The following STAT1 variants were observed in gnomAD, a reference collection of about 807,000 sequenced individuals.
The protein encoded by STAT1 is signal transducer and activator of transcription 1, also known as signal transducer and activator of transcription 1-alpha/beta.
A neutral mutation model predicts 111.7 loss-of-function variants in STAT1; 24 were observed. The observed-to-expected ratio is 0.21, with a 90% CI of 0.16 to 0.30. STAT1 has a LOEUF of 0.30. Ranked by LOEUF, STAT1 falls within the 10% of genes least tolerant of loss-of-function variation. The pLI is 1.00. For synonymous variants in STAT1, 332 were observed against 326.5 expected (o/e 1.02, Z -0.18); for missense variants, 351 against 911.9 (o/e 0.38, Z 7.92).
At chr2:190,991,349 G>A in intron 10 of STAT1, 29 bp from the exon 11 acceptor site, 1 of 1,608,480 alleles carries the variant, frequency 6.2e-7, no homozygotes, top group Non-Finnish European at 8.5e-7. Flanking sequence ...GGATAGATAA[G>A]TTAGCATTTC....
rs1023633807 is a variant in STAT1, at chr2:190,973,180, C to T, written c.2238+1650G>A. Among the ~76,000 whole-genome samples, 5 of 152,146 alleles carry T rather than the reference C, an allele frequency of 3.3e-5. No individual in the cohort carries two copies. Among genetic ancestry groups the T allele is most frequent in the Admixed American group, 1.3e-4 (2 of 15,274 alleles). On this transcript the variant is annotated intron_variant, in intron 24 of 24. Coordinates refer to ENST00000361099, the MANE Select transcript of STAT1 (RefSeq NM_007315.4). The surrounding 1 kb of genome is among the most constrained non-coding windows in gnomAD (Gnocchi z 4.4). The stretch of plus-strand genomic sequence containing the variant: ...ATAACAGAATAAACCCAATCCTGTA[C>T]AAACAGCTTCTTCAGGGTGCATGTT...
chr2:190,997,453 C>A lies in STAT1; in HGVS notation c.785+403G>T, dbSNP rs116536693. The stretch of plus-strand genomic sequence containing the variant: ...CCTACAGTGCCCGGCACACAGTAGG[C>A]ATTTAATAAGTATTACTGGATGGAT... On this transcript the variant is annotated intron_variant, in intron 9 of 24. Coordinates refer to ENST00000361099, the MANE Select transcript of STAT1 (RefSeq NM_007315.4). The surrounding 1 kb of genome is among the most constrained non-coding windows in gnomAD (Gnocchi z 7.3). Among the ~76,000 whole-genome samples the A allele has an allele frequency of 2.8e-4, 43 of 152,330 alleles. No homozygotes were observed. The highest frequency in any genetic ancestry group is 1.0e-3 in the African/African-American group (42 of 41,576).
At chr2:191,008,183 T>G (rs1353689608) in intron 4 of STAT1, among the ~76,000 whole-genome samples, 1 of 152,196 alleles carries the variant, frequency 6.6e-6, no homozygotes, top group African/African-American at 2.4e-5. Flanking sequence ...AACAAATTTC[T>G]GTAAAGTTAA....
rs760830783 is a variant in STAT1 at position 190,979,807 on chromosome 2, G to A, written c.1692C>T (p.Leu564=). 18 of 1,613,726 alleles carry A rather than the reference G, an allele frequency of 1.1e-5. 1 individual carries two copies. In the South Asian group the frequency reaches 1.8e-4, roughly 16 times the overall value. ...AGAGAGGGAGCAGGTGTTTTTTAAT[G>A]AGTTCTAGGATGCTTTCAATCCAAA... ...FWLWIESILE[L]IKKHLLPLWN... is the part of the protein sequence containing the mutation. The change falls in exon 20 of 25, where the codon CTC becomes CTT. Residue 564 remains leucine, a synonymous_variant. Transcript: ENST00000361099. The surrounding 1 kb of genome is among the most constrained non-coding windows in gnomAD (Gnocchi z 5.8).
rs1694814249 is a variant in STAT1 at position 191,007,734 on chromosome 2, T to C, written c.274-73A>G. On this transcript the variant is annotated intron_variant, in intron 4 of 24. Coordinates refer to ENST00000361099, the MANE Select transcript of STAT1 (RefSeq NM_007315.4). This position sits in a 1 kb window ranked among gnomAD's most constrained non-coding sequence, Gnocchi z 4.2. The stretch of plus-strand genomic sequence containing the variant: ...TACTTTATTGTGTATTGTAAGTTGA[T>C]ATGAATTTGTTTATATTCTCCGGGA... The C allele has an allele frequency of 1.8e-6, 2 of 1,135,088 alleles. No individual in the cohort carries two copies. Among genetic ancestry groups the C allele is most frequent in the Non-Finnish European group, 2.7e-6 (2 of 752,592 alleles). The allele number at this position is 1,135,088 out of a possible 1,614,324, so 70.3% of individuals were successfully genotyped here. A position where few individuals can be genotyped will look rare whatever the true frequency, so the allele number is the denominator to read the frequency against.
At position 191,003,387 on chromosome 2, in the gene STAT1, A is replaced by C. The variant is rs980360557; in HGVS notation, c.373-2224T>G. ...AAATCTTTGCTGTTGTCTAATTCTGACATGGTTTGGATCTGTGTCCCCACC... is the reference window on the plus strand; with the variant it reads ...AAATCTTTGCTGTTGTCTAATTCTGCCATGGTTTGGATCTGTGTCCCCACC... On this transcript the variant is annotated intron_variant, in intron 5 of 24. Coordinates refer to ENST00000361099, the MANE Select transcript of STAT1 (RefSeq NM_007315.4). This position sits in a 1 kb window ranked among gnomAD's most constrained non-coding sequence, Gnocchi z 4.0. Among the ~76,000 whole-genome samples the C allele has an allele frequency of 4.6e-5, 7 of 152,218 alleles. No homozygotes were observed. The highest frequency in any genetic ancestry group is 1.7e-4 in the African/African-American group (7 of 41,452).
In STAT1 at chr2:190,987,174, T is replaced by TA. The variant is rs1692916853; in HGVS notation, c.1098-107dup. Reference sequence around the variant, plus strand: ...CATAAGAGTGTAAGTGAATGATGAATAAAAAATAAATCTACACCTATGGAT... The same window carrying TA: ...CATAAGAGTGTAAGTGAATGATGAATAAAAAAATAAATCTACACCTATGGAT... On this transcript the variant is annotated intron_variant, in intron 12 of 24. Coordinates refer to ENST00000361099, the MANE Select transcript of STAT1 (RefSeq NM_007315.4). The surrounding 1 kb of genome is among the most constrained non-coding windows in gnomAD (Gnocchi z 4.0). The TA allele has an allele frequency of 3.5e-6, 3 of 859,618 alleles. No homozygotes were observed. The highest frequency in any genetic ancestry group is 2.6e-5 in the East Asian group (1 of 38,176). 53.2% of individuals were successfully genotyped at this position (859,618 alleles called of 1,614,324 possible).
At position 191,013,606 on chromosome 2, in the gene STAT1, C is replaced by G. The variant is rs1695306854; in HGVS notation, c.-83G>C. On this transcript the variant is annotated 5_prime_UTR_variant, in exon 2 of 25. Transcript: ENST00000361099. The stretch of plus-strand genomic sequence containing the variant: ...ACAGCACGTTAGGTGCCAAGACTGT[C>G]GAGGTTATATACACAGAGTGCGAAC... 2 of 398,424 alleles carry G rather than the reference C, an allele frequency of 5.0e-6. No individual in the cohort carries two copies. The highest frequency in any genetic ancestry group is 8.8e-5 in the Admixed American group (2 of 22,714). The allele number at this position is 398,424 out of a possible 1,614,324, so 24.7% of individuals were successfully genotyped here. A position where few individuals can be genotyped will look rare whatever the true frequency, so the allele number is the denominator to read the frequency against.
chr2:191,006,511 C>T lies in STAT1; in HGVS notation c.372+1052G>A, dbSNP rs949259168. On this transcript the variant is annotated intron_variant, in intron 5 of 24. Transcript: ENST00000361099. The surrounding 1 kb of genome is among the most constrained non-coding windows in gnomAD (Gnocchi z 4.6). ...TCAGGCAGTGTGTGGAGAATGGCAT[C>T]CTCCACCACACCTAAACTCCCTCCC... Among the ~76,000 whole-genome samples, 7 of 152,182 alleles carry T rather than the reference C, an allele frequency of 4.6e-5. No individual in the cohort carries two copies. Among genetic ancestry groups the T allele is most frequent in the South Asian group, 2.1e-4 (1 of 4,834 alleles).
rs755468379 is a variant in STAT1 at position 190,989,990 on chromosome 2, A to G, written c.1038-316T>C. ...TATAACCTTGCCAATATTCAGTTTC[A>G]TCACAATTTCGACCTTTGGCCAATT... On this transcript the variant is annotated intron_variant, in intron 11 of 24. Coordinates refer to ENST00000361099, the MANE Select transcript of STAT1 (RefSeq NM_007315.4). This position sits in a 1 kb window ranked among gnomAD's most constrained non-coding sequence, Gnocchi z 5.0. Among the ~76,000 whole-genome samples, 1 of 152,240 alleles carries G rather than the reference A, an allele frequency of 6.6e-6. No homozygotes were observed. The highest frequency in any genetic ancestry group is 1.5e-5 in the Non-Finnish European group (1 of 68,038).
Position 190,986,777 on chromosome 2 carries a change from G to C in STAT1, c.1221+77C>G. ...AGGGGGGCGTCCTCCACATGGCAAT[G>C]TGCCAAAAAGGGCTGCTCTATTGTC... On this transcript the variant is annotated intron_variant, in intron 14 of 24. Coordinates refer to ENST00000361099, the MANE Select transcript of STAT1 (RefSeq NM_007315.4). The surrounding 1 kb of genome is among the most constrained non-coding windows in gnomAD (Gnocchi z 5.0). 7.1e-7 allele frequency: 1 copy of C among 1,402,532 alleles called. No homozygotes were observed. 86.9% of individuals were successfully genotyped at this position (1,402,532 alleles called of 1,614,324 possible). A position where few individuals can be genotyped will look rare whatever the true frequency, so the allele number is the denominator to read the frequency against.
intron 10 of STAT1, among the ~76,000 whole-genome samples, chr2:190,992,164 G>A (rs993005540): frequency 6.6e-6 from 1 of 152,152 alleles, no homozygotes; most frequent in African/African-American, 2.4e-5. Context: ...ATCAGACAGT[G>A]TAATCTTTCC....
chr2:191,009,641 T>C (rs949129100), intron 3 of STAT1, among the ~76,000 whole-genome samples: 1 of 152,216 alleles, frequency 6.6e-6, no homozygotes, highest in Non-Finnish European at 1.5e-5. Flanking sequence ...TATCATAAAT[T>C]AAATTTGGCA....
chr2:190,999,671 A>G lies in STAT1; in HGVS notation c.496T>C (p.Leu166=), dbSNP rs1370298651. The change falls in exon 7 of 25, where the codon TTA becomes CTA. Residue 166 remains leucine, a synonymous_variant. Transcript: ENST00000361099. This position sits in a 1 kb window ranked among gnomAD's most constrained non-coding sequence, Gnocchi z 4.1. ...IEHEIKSLED[L]QDEYDFKCKT... ...CATTTGAAGTCATATTCATCTTGTA[A>G]ATCTTCCAGGCTCTTGATTTCATGC... is the stretch of plus-strand genomic sequence containing the variant. 1 of 1,613,838 alleles carries G rather than the reference A, an allele frequency of 6.2e-7. No individual in the cohort carries two copies. The highest frequency in any genetic ancestry group is 2.2e-5 in the East Asian group (1 of 44,866).
At chr2:191,013,413 T>G (rs928741667) in intron 2 of STAT1, 112 bp downstream of exon 2, 1 of 383,452 alleles carries the variant, frequency 2.6e-6, no homozygotes, top group African/African-American at 2.1e-5. Flanking sequence ...AAACTAAACA[T>G]CACTTTTAAA....
At position 190,999,478 on chromosome 2, in the gene STAT1, G is replaced by C. The variant is rs79283716; in HGVS notation, c.541+148C>G. 65 of 691,042 alleles carry C rather than the reference G, an allele frequency of 9.4e-5. No homozygotes were observed. In the East Asian group the frequency reaches 1.5e-3, roughly 16 times the overall value. 42.8% of individuals were successfully genotyped at this position (691,042 alleles called of 1,614,324 possible). A position where few individuals can be genotyped will look rare whatever the true frequency, so the allele number is the denominator to read the frequency against. ...TTAGCCCGAAATGTCAATAATATTGGATGTTGAGAAGCCCTGGCCTGGGTT... is the reference window on the plus strand; with the variant it reads ...TTAGCCCGAAATGTCAATAATATTGCATGTTGAGAAGCCCTGGCCTGGGTT... On this transcript the variant is annotated intron_variant, in intron 7 of 24. Coordinates refer to ENST00000361099, the MANE Select transcript of STAT1 (RefSeq NM_007315.4). This position sits in a 1 kb window ranked among gnomAD's most constrained non-coding sequence, Gnocchi z 4.1.
chr2:191,010,473 T>G, intron 2 of STAT1: 1 of 410,642 alleles, frequency 2.4e-6, no homozygotes, highest in South Asian at 1.8e-5. Context: ...AACCACATAG[T>G]AGGTATCCAA....
chr2:191,000,995 T>A lies in STAT1; in HGVS notation c.462+79A>T. 8.3e-7 allele frequency: 1 copy of A among 1,206,934 alleles called. No individual in the cohort carries two copies. The highest frequency in any genetic ancestry group is 2.3e-5 in the East Asian group (1 of 42,850). 74.8% of individuals were successfully genotyped at this position (1,206,934 alleles called of 1,614,324 possible). ...TAAAAGACTGAACTCAGTTACGAGGTTTACACCCCAAGCAATTGAAACCTT... is the reference window on the plus strand; with the variant it reads ...TAAAAGACTGAACTCAGTTACGAGGATTACACCCCAAGCAATTGAAACCTT... On this transcript the variant is annotated intron_variant, in intron 6 of 24. Coordinates refer to ENST00000361099, the MANE Select transcript of STAT1 (RefSeq NM_007315.4). This position sits in a 1 kb window ranked among gnomAD's most constrained non-coding sequence, Gnocchi z 4.8.
In STAT1 at chr2:190,980,367, G is replaced by A. The variant is rs1205775795; in HGVS notation, c.1632+253C>T. 1.3e-5 allele frequency among the ~76,000 whole-genome samples: 2 copies of A among 152,244 alleles called. No individual in the cohort carries two copies. The highest frequency in any genetic ancestry group is 1.5e-5 in the Non-Finnish European group (1 of 68,050). On this transcript the variant is annotated intron_variant, in intron 19 of 24. Coordinates refer to ENST00000361099, the MANE Select transcript of STAT1 (RefSeq NM_007315.4). The surrounding 1 kb of genome is among the most constrained non-coding windows in gnomAD (Gnocchi z 6.1). ...AAACACTGCTGGGCAGGGGTCCAGC[G>A]TGAGTGAACAGAAGCCTCATTTCAG...
Sources: gnomAD v4.1 joint callset for allele counts (sites outside exome capture counted in the v4.1 genomes callset) on GRCh38, gnomAD v4.1.1 for gene constraint, Gnocchi (gnomAD v3.1) non-coding constraint, MANE v1.5 for transcripts, NCBI Gene and HGNC (gene_info 2026-07-23, HGNC 2026-07-21) for gene names.